The following GRM8 variants were observed in gnomAD, a reference collection of about 807,000 sequenced individuals.
The protein encoded by GRM8 is metabotropic glutamate receptor 8.
A neutral mutation model predicts 87.2 loss-of-function variants in GRM8; 47 were observed. The observed-to-expected ratio is 0.54, with a 90% CI of 0.43 to 0.69. The LOEUF (loss-of-function observed/expected upper bound fraction) is 0.69, where lower values mean the gene tolerates loss of function less well. GRM8 is among the 30% of genes least tolerant of loss of function. The pLI is 0.00. For synonymous variants in GRM8, 396 were observed against 404.5 expected (o/e 0.98, Z 0.25); for missense variants, 1,019 against 1,139.2 (o/e 0.89, Z 1.52).
intron 3 of GRM8, among the ~76,000 whole-genome samples, chr7:127,021,175 GAC>G (rs1484183063): frequency 2.0e-5 from 3 of 151,910 alleles, no homozygotes; most frequent in African/African-American, 7.3e-5. Context: ...AAGAGGAAGA[GAC>G]ACAGAGACCA....
At chr7:126,969,160 G>A (rs535024999) in intron 3 of GRM8, among the ~76,000 whole-genome samples, 1 of 152,260 alleles carries the variant, frequency 6.6e-6, no homozygotes, top group East Asian at 1.9e-4. Flanking sequence ...GGAGGGTCTT[G>A]CCCCAATGTT....
chr7:126,468,764 CTTA>C (rs1403834840), intron 9 of GRM8, among the ~76,000 whole-genome samples: 2 of 152,078 alleles, frequency 1.3e-5, no homozygotes, highest in Non-Finnish European at 2.9e-5. Context: ...TGAAAGTTAG[CTTA>C]TTGTCAATTA....
chr7:126,601,548 A>G (rs1253741594), intron 8 of GRM8, among the ~76,000 whole-genome samples: 2 of 151,260 alleles, frequency 1.3e-5, no homozygotes, highest in Non-Finnish European at 3.0e-5. Flanking sequence ...AGTCCCACCA[A>G]CAGTGTAAAA....
At chr7:126,852,168 C>G (rs1165548423) in intron 6 of GRM8, among the ~76,000 whole-genome samples, 1 of 152,104 alleles carries the variant, frequency 6.6e-6, no homozygotes, top group Non-Finnish European at 1.5e-5. Context: ...GGCACTGTAT[C>G]CATCTGAGTC....
At chr7:126,947,194 T>C (rs1417178425) in intron 3 of GRM8, among the ~76,000 whole-genome samples, 1 of 152,170 alleles carries the variant, frequency 6.6e-6, no homozygotes, top group Non-Finnish European at 1.5e-5. Flanking sequence ...CAACAAATTG[T>C]CCATTAACTT....
At chr7:126,601,330 G>C (rs374954338) in intron 8 of GRM8, among the ~76,000 whole-genome samples, 1 of 151,882 alleles carries the variant, frequency 6.6e-6, no homozygotes, top group Non-Finnish European at 1.5e-5. Flanking sequence ...CCAGTCTATC[G>C]TTGTTGGACA....
intron 10 of GRM8, 55 bp from the exon 11 acceptor site, chr7:126,439,223 T>C: frequency 2.1e-6 from 2 of 964,384 alleles, no homozygotes; most frequent in African/African-American, 1.6e-5. Context: ...CATCCTTTTG[T>C]TAATATGATT....
chr7:127,148,861 G>A (rs1828694116), intron 2 of GRM8, among the ~76,000 whole-genome samples: 1 of 152,026 alleles, frequency 6.6e-6, no homozygotes, highest in South Asian at 2.1e-4. Flanking sequence ...TCAACAAATG[G>A]TGCAGGGAAA....
rs1358007013 is a variant in GRM8 at position 126,532,790 on chromosome 7, T to G, written c.2430+162A>C. 3.1e-4 allele frequency among the ~76,000 whole-genome samples: 15 copies of G among 48,506 alleles called. 1 individual carries two copies. The highest frequency in any genetic ancestry group is 8.7e-4 in the East Asian group (1 of 1,148). 31.8% of individuals were successfully genotyped at this position (48,506 alleles called of 152,430 possible). On this transcript the variant is annotated intron_variant, in intron 9 of 10. Coordinates refer to ENST00000339582, the MANE Select transcript of GRM8 (RefSeq NM_000845.3). ...ATATATATATATATATATATATATA[T>G]ATATATATATATATATATATATATA...
chr7:126,885,099 T>C (rs916451122), intron 6 of GRM8, among the ~76,000 whole-genome samples: 4 of 152,154 alleles, frequency 2.6e-5, no homozygotes, highest in African/African-American at 9.7e-5. Context: ...TTGCTGAGAG[T>C]GAGCCCAGCA....
chr7:126,518,752 G>A (rs115674058), intron 9 of GRM8, among the ~76,000 whole-genome samples: 1 of 152,084 alleles, frequency 6.6e-6, no homozygotes, highest in African/African-American at 2.4e-5. Flanking sequence ...TTAAAAATTA[G>A]GTCATGCCTC....
At chr7:127,159,290 G>A (rs1792940575) in intron 2 of GRM8, among the ~76,000 whole-genome samples, 1 of 152,174 alleles carries the variant, frequency 6.6e-6, no homozygotes, top group African/African-American at 2.4e-5. Context: ...AAGATGCAAG[G>A]TAAAGTACTT....
At chr7:126,468,008 T>C (rs942537244) in intron 9 of GRM8, among the ~76,000 whole-genome samples, 1 of 152,078 alleles carries the variant, frequency 6.6e-6, no homozygotes, top group African/African-American at 2.4e-5. Context: ...TTTCCTCATC[T>C]ATAAACCTTT....
At chr7:127,235,848 G>A (rs1657486560) in intron 2 of GRM8, among the ~76,000 whole-genome samples, 2 of 152,078 alleles carry the variant, frequency 1.3e-5, no homozygotes, top group Non-Finnish European at 2.9e-5. Flanking sequence ...AACCAACATG[G>A]AAAATTTTCC....
chr7:127,066,408 G>C (rs920547332), intron 3 of GRM8, among the ~76,000 whole-genome samples: 2 of 152,128 alleles, frequency 1.3e-5, no homozygotes, highest in African/African-American at 4.8e-5. Flanking sequence ...CCACATTATG[G>C]GAAAATAGTT....
At chr7:126,485,374 G>A (rs151201353) in intron 9 of GRM8, among the ~76,000 whole-genome samples, 9 of 151,712 alleles carry the variant, frequency 5.9e-5, no homozygotes, top group Admixed American at 5.9e-4. Flanking sequence ...AAAAGGGGGT[G>A]GGGGGCATGA....
rs565515774 is a variant in GRM8 at position 126,973,108 on chromosome 7, G to T, written c.728-68425C>A. Among the ~76,000 whole-genome samples the T allele has an allele frequency of 1.7e-4, 26 of 152,228 alleles. No homozygotes were observed. The East Asian group carries it at 5.0e-3, about 29-fold the overall frequency. ...ATGCTGTACAACAGTGGTCTTAATA[G>T]GTCTAATAGTTTAGGATGCACCAGA... is the stretch of plus-strand genomic sequence containing the variant. On this transcript the variant is annotated intron_variant, in intron 3 of 10. Transcript: ENST00000339582.
chr7:127,222,649 C>T (rs1587316677), intron 2 of GRM8, among the ~76,000 whole-genome samples: 1 of 152,106 alleles, frequency 6.6e-6, no homozygotes, highest in Non-Finnish European at 1.5e-5. Flanking sequence ...ACAAAATATC[C>T]GGAGAACTTA....
chr7:126,506,782 AG>A (rs1228886287), intron 9 of GRM8, among the ~76,000 whole-genome samples: 5 of 151,958 alleles, frequency 3.3e-5, no homozygotes, highest in African/African-American at 1.2e-4. Flanking sequence ...CTGTCTCAAA[AG>A]AAAAAAAAAA....
Sources: gnomAD v4.1 joint callset for allele counts (sites outside exome capture counted in the v4.1 genomes callset) on GRCh38, gnomAD v4.1.1 for gene constraint, MANE v1.5 for transcripts, NCBI Gene and HGNC (gene_info 2026-07-23, HGNC 2026-07-21) for gene names.